Variants in FUBP3 observed in about 807,000 individuals in gnomAD.
FUBP3 encodes the protein far upstream element-binding protein 3.
A neutral mutation model predicts 85.6 loss-of-function variants in FUBP3; 28 were observed. The ratio of observed to expected loss-of-function variants is 0.33; its 90% CI spans 0.24 to 0.45. The LOEUF (loss-of-function observed/expected upper bound fraction) is 0.45, where lower values mean the gene tolerates loss of function less well. Among genes scored for constraint, FUBP3 ranks in the 20% least tolerant of loss-of-function variants. The pLI, the probability that FUBP3 is intolerant of heterozygous loss-of-function variation, is 1.00. For missense variants in FUBP3, 583 were observed against 755.1 expected (o/e 0.77, Z 2.67); for synonymous variants, 271 against 271.4 (o/e 1.00, Z 0.01).
Position 130,616,777 on chromosome 9 carries a change from G to A in FUBP3, c.567+260G>A, listed in dbSNP as rs1832030060. On this transcript the variant is annotated intron_variant, in intron 7 of 18. Transcript: ENST00000319725. The surrounding 1 kb of genome is among the most constrained non-coding windows in gnomAD (Gnocchi z 4.7). ...TGAACTTTGAGCAGCCTTTTTGGCA[G>A]TGAGCTCTGTGAGGGCTGCTTTTAT... is the stretch of plus-strand genomic sequence containing the variant. 1.3e-5 allele frequency among the ~76,000 whole-genome samples: 2 copies of A among 152,366 alleles called. No individual in the cohort carries two copies. The highest frequency in any genetic ancestry group is 4.8e-5 in the African/African-American group (2 of 41,586).
Position 130,589,668 on chromosome 9 carries a change from TGTGTGTGTATATATATATATATATA to T in FUBP3, c.85-5814_85-5790del, listed in dbSNP as rs1830499968. Among the ~76,000 whole-genome samples, 3 of 100,778 alleles carry T rather than the reference TGTGTGTGTATATATATATATATATA, an allele frequency of 3.0e-5. 1 individual carries two copies. Among genetic ancestry groups the T allele is most frequent in the Non-Finnish European group, 5.4e-5 (3 of 55,210 alleles). The allele number at this position is 100,778 out of a possible 152,430, so 66.1% of individuals were successfully genotyped here. A position where few individuals can be genotyped will look rare whatever the true frequency, so the allele number is the denominator to read the frequency against. Reference sequence around the variant, plus strand: ...CAGATTTATTTTAAATATGTATGTATGTGTGTGTATATATATATATATATATATATATATATATTTTTTTTTTTTT... The same window carrying T: ...CAGATTTATTTTAAATATGTATGTATTATATATATATATTTTTTTTTTTTT... On this transcript the variant is annotated intron_variant, in intron 1 of 18. Transcript: ENST00000319725.
chr9:130,629,337 T>C (rs1830119843), intron 12 of FUBP3, among the ~76,000 whole-genome samples: 1 of 152,230 alleles, frequency 6.6e-6, no homozygotes. Flanking sequence ...CATTTGGTTT[T>C]GTTAGTTGTT....
Position 130,612,819 on chromosome 9 carries a change from A to C in FUBP3, c.275-137A>C, listed in dbSNP as rs1831814474. ...TGCTGCCATCATGCCCAAAGAGTGG[A>C]GATGGGCTCACGGGGGCCAACTCGA... On this transcript the variant is annotated intron_variant, in intron 4 of 18. Coordinates refer to ENST00000319725, the MANE Select transcript of FUBP3 (RefSeq NM_003934.2). The surrounding 1 kb of genome is among the most constrained non-coding windows in gnomAD (Gnocchi z 4.1). 1 of 662,518 alleles carries C rather than the reference A, an allele frequency of 1.5e-6. No homozygotes were observed. Among genetic ancestry groups the C allele is most frequent in the Admixed American group, 2.6e-5 (1 of 39,116 alleles). The allele number at this position is 662,518 out of a possible 1,614,324, so 41.0% of individuals were successfully genotyped here. A position where few individuals can be genotyped will look rare whatever the true frequency, so the allele number is the denominator to read the frequency against.
intron 18 of FUBP3, among the ~76,000 whole-genome samples, chr9:130,636,488 G>A (rs933032349): frequency 2.0e-5 from 3 of 152,226 alleles, no homozygotes; most frequent in Non-Finnish European, 2.9e-5. Context: ...GCGCTCCGGC[G>A]ACTGCTCTCG....
intron 16 of FUBP3, 155 bp from the exon 17 acceptor site, chr9:130,634,512 C>G (rs1830340434): frequency 1.6e-6 from 1 of 614,666 alleles, no homozygotes; most frequent in Non-Finnish European, 2.9e-6. Context: ...TCCCCCAGCC[C>G]TGCCAGCTGC....
chr9:130,607,088 G>A lies in FUBP3; in HGVS notation c.191-2866G>A, dbSNP rs7028537. Reference sequence around the variant, plus strand: ...CCGGTTCATTGTGCATCAGCCTCCCGAGTAGCTGGGATTACAGATGTGCAC... The same window carrying A: ...CCGGTTCATTGTGCATCAGCCTCCCAAGTAGCTGGGATTACAGATGTGCAC... On this transcript the variant is annotated intron_variant, in intron 2 of 18. Coordinates refer to ENST00000319725, the MANE Select transcript of FUBP3 (RefSeq NM_003934.2). Among the ~76,000 whole-genome samples the A allele has an allele frequency of 3.2e-3, 487 of 151,694 alleles. 4 individuals are homozygous for A. Among genetic ancestry groups the A allele is most frequent in the African/African-American group, 0.011 (462 of 41,378 alleles).
intron 12 of FUBP3, among the ~76,000 whole-genome samples, chr9:130,628,345 A>T (rs1752003434): frequency 6.6e-6 from 1 of 152,178 alleles, no homozygotes; most frequent in Non-Finnish European, 1.5e-5. Flanking sequence ...GCCTTTTAGC[A>T]GGTTTGATTA....
rs569742045 is a variant in FUBP3, at chr9:130,617,554, AG to A, written c.568-242del. On this transcript the variant is annotated intron_variant, in intron 7 of 18. Transcript: ENST00000319725. The stretch of plus-strand genomic sequence containing the variant: ...CAGTGAAAGTAGCTCCTTAGTGCTT[AG>A]ATGCTCCAGGGACTGGAATCATTTT... Among the ~76,000 whole-genome samples, 227 of 152,358 alleles carry A rather than the reference AG, an allele frequency of 1.5e-3. 11 individuals are homozygous for A. The highest frequency in any genetic ancestry group is 7.6e-4 in the Non-Finnish European group (52 of 68,032).
chr9:130,609,612 C>T (rs549918029), intron 2 of FUBP3, among the ~76,000 whole-genome samples: 11 of 152,286 alleles, frequency 7.2e-5, no homozygotes, highest in African/African-American at 2.6e-4. Context: ...GATCTCTTTC[C>T]ATCTTTACAT....
Position 130,616,529 on chromosome 9 carries a change from C to G in FUBP3, c.567+12C>G. ...TCAAGCAGTTGCAGGTGTGTGAGCC[C>G]GGAGCACGGAGCACAGCGGCCGCTC... On this transcript the variant is annotated intron_variant, in intron 7 of 18. Coordinates refer to ENST00000319725, the MANE Select transcript of FUBP3 (RefSeq NM_003934.2). This position sits in a 1 kb window ranked among gnomAD's most constrained non-coding sequence, Gnocchi z 4.7. 6.2e-7 allele frequency: 1 copy of G among 1,603,194 alleles called. No homozygotes were observed. The highest frequency in any genetic ancestry group is 8.5e-7 in the Non-Finnish European group (1 of 1,170,292).
Position 130,616,553 on chromosome 9 carries a change from T to C in FUBP3, c.567+36T>C, listed in dbSNP as rs1490359248. On this transcript the variant is annotated intron_variant, in intron 7 of 18. Transcript: ENST00000319725. The surrounding 1 kb of genome is among the most constrained non-coding windows in gnomAD (Gnocchi z 4.7). The stretch of plus-strand genomic sequence containing the variant: ...CCGGAGCACGGAGCACAGCGGCCGC[T>C]CGCAGCAGGTCTTCAGCTTCCTGGC... 1 of 1,601,756 alleles carries C rather than the reference T, an allele frequency of 6.2e-7. No individual in the cohort carries two copies. The highest frequency in any genetic ancestry group is 1.1e-5 in the South Asian group (1 of 90,604).
At chr9:130,596,728 G>T in intron 2 of FUBP3, 1 of 369,344 alleles carries the variant, frequency 2.7e-6, no homozygotes. Flanking sequence ...TAAACCCTAT[G>T]TTAAGGTTCT....
intron 5 of FUBP3, 59 bp downstream of exon 5, chr9:130,613,086 TC>T: frequency 9.2e-7 from 1 of 1,088,958 alleles, no homozygotes; most frequent in Non-Finnish European, 1.4e-6. Flanking sequence ...TGCAAAACTT[TC>T]CAGATTCGGT....
chr9:130,628,178 G>A (rs1009530240), intron 12 of FUBP3, among the ~76,000 whole-genome samples: 3 of 152,058 alleles, frequency 2.0e-5, no homozygotes, highest in Non-Finnish European at 4.4e-5. Context: ...TGAGATGGGC[G>A]CCTGGGCAAG....
intron 2 of FUBP3, among the ~76,000 whole-genome samples, chr9:130,603,830 C>T (rs937808975): frequency 1.3e-5 from 2 of 152,130 alleles, no homozygotes; most frequent in East Asian, 1.9e-4. Context: ...GAACCTCTCT[C>T]GAATACAGTT....
At chr9:130,598,862 C>T (rs2119034175) in intron 2 of FUBP3, among the ~76,000 whole-genome samples, 1 of 152,346 alleles carries the variant, frequency 6.6e-6, no homozygotes, top group East Asian at 1.9e-4. Context: ...TGGCCATCTC[C>T]TCTTAGAATT....
At chr9:130,622,980 C>G (rs2119099779) in intron 10 of FUBP3, among the ~76,000 whole-genome samples, 170 bp downstream of exon 10, 1 of 152,288 alleles carries the variant, frequency 6.6e-6, no homozygotes, top group East Asian at 1.9e-4. Context: ...TCAGTTTCTT[C>G]TCCCAGCCTT....
chr9:130,583,351 T>C (rs1830211472), intron 1 of FUBP3, among the ~76,000 whole-genome samples: 1 of 152,230 alleles, frequency 6.6e-6, no homozygotes, highest in South Asian at 2.1e-4. Context: ...GATTCTGACT[T>C]CTTAGAACAA....
intron 8 of FUBP3, 41 bp from the exon 9 acceptor site, chr9:130,620,313 G>T: frequency 8.0e-7 from 1 of 1,256,740 alleles, no homozygotes; most frequent in East Asian, 2.4e-5. Flanking sequence ...TCTTTTTTCA[G>T]GAATTTTTTC....
Sources: allele counts gnomAD v4.1 joint callset (sites outside exome capture counted in the v4.1 genomes callset), GRCh38; gene constraint gnomAD v4.1.1; non-coding constraint Gnocchi (gnomAD v3.1); transcripts MANE v1.5; gene names NCBI Gene and HGNC (gene_info 2026-07-23, HGNC 2026-07-21).